Variants in SEMA3A observed in about 807,000 individuals in gnomAD.
SEMA3A encodes the protein semaphorin 3A.
In SEMA3A, 29 loss-of-function variants were observed where a neutral mutation model predicts 97.9. That is an observed-to-expected ratio of 0.30 (90% CI 0.22 to 0.40). The LOEUF (loss-of-function observed/expected upper bound fraction) is 0.40, where lower values mean the gene tolerates loss of function less well. Among genes scored for constraint, SEMA3A ranks in the 10% least tolerant of loss-of-function variants. SEMA3A has a pLI of 1.00. For missense variants in SEMA3A, 763 were observed against 951.3 expected (o/e 0.80, Z 2.60); for synonymous variants, 321 against 323.7 (o/e 0.99, Z 0.09).
chr7:84,444,263 A>G (rs904493277), intron 1 of SEMA3A, among the ~76,000 whole-genome samples: 1 of 152,256 alleles, frequency 6.6e-6, no homozygotes, highest in Admixed American at 6.5e-5. Context: ...GAAATCATAC[A>G]GGATCTTAAT....
intron 4 of SEMA3A, among the ~76,000 whole-genome samples, chr7:84,085,986 C>T (rs968177318): frequency 1.3e-5 from 2 of 152,106 alleles, no homozygotes; most frequent in Admixed American, 6.6e-5. Flanking sequence ...GTAAGAGTTT[C>T]GGCTTCCAAA....
At chr7:84,064,378 C>G (rs1352545978) in intron 4 of SEMA3A, among the ~76,000 whole-genome samples, 2 of 152,126 alleles carry the variant, frequency 1.3e-5, no homozygotes, top group African/African-American at 4.8e-5. Flanking sequence ...GCAAAATAAC[C>G]AGGTAACATC....
chr7:84,185,652 T>TGGG (rs1797856677), intron 1 of SEMA3A, among the ~76,000 whole-genome samples: 5 of 137,166 alleles, frequency 3.6e-5, no homozygotes, highest in Non-Finnish European at 7.6e-5. Context: ...GATCACGCCA[T>TGGG]TGCACTCCAG....
Position 84,240,766 on chromosome 7 carries a change from G to A in SEMA3A, c.-82-46098C>T, listed in dbSNP as rs183181848. Among the ~76,000 whole-genome samples the A allele has an allele frequency of 2.3e-4, 35 of 152,056 alleles. No individual in the cohort carries two copies. The East Asian group carries it at 4.3e-3, about 19-fold the overall frequency. On this transcript the variant is annotated intron_variant, in intron 3 of 3. Transcript: ENST00000424555. ...TGCTAGCCCCCTCTAGCCCACCACC[G>A]CCTGACAGGCCCCTGTGTGTGATGT...
intron 4 of SEMA3A, among the ~76,000 whole-genome samples, chr7:84,065,952 G>C (rs934814246): frequency 6.6e-5 from 10 of 151,504 alleles, no homozygotes; most frequent in African/African-American, 2.4e-4. Context: ...CCAAAGCCAG[G>C]CAGAGACACA....
At chr7:84,261,569 G>A (rs187499556) in intron 3 of SEMA3A, among the ~76,000 whole-genome samples, 128 of 152,302 alleles carry the variant, frequency 8.4e-4, no homozygotes, top group Non-Finnish European at 1.5e-3. Context: ...AGCAGAAGCC[G>A]TTTGAGGTGC....
intron 4 of SEMA3A, among the ~76,000 whole-genome samples, chr7:84,086,468 TATGTATTATTA>T (rs1404768394): frequency 7.0e-5 from 6 of 85,706 alleles, no homozygotes; most frequent in Non-Finnish European, 2.4e-5. Context: ...TCATATATAA[TATGTATTATTA>T]TATTATATTT....
chr7:84,310,474 T>C (rs1181960629), intron 2 of SEMA3A, among the ~76,000 whole-genome samples: 1 of 152,064 alleles, frequency 6.6e-6, no homozygotes, highest in Admixed American at 6.6e-5. Flanking sequence ...TTTTCACTTG[T>C]TCTAAAATGA....
intron 1 of SEMA3A, among the ~76,000 whole-genome samples, chr7:84,432,425 T>G (rs770708690): frequency 1.3e-5 from 2 of 152,182 alleles, no homozygotes; most frequent in African/African-American, 4.8e-5. Context: ...AGGGTACATG[T>G]GCATGTTTGG....
intron 1 of SEMA3A, among the ~76,000 whole-genome samples, chr7:84,457,387 G>C (rs1194039120): frequency 1.3e-5 from 2 of 151,820 alleles, no homozygotes; most frequent in Non-Finnish European, 3.0e-5. Flanking sequence ...GTTAGTATTA[G>C]GTAAGGGGCT....
At chr7:84,328,627 G>A (rs1157727712) in intron 2 of SEMA3A, among the ~76,000 whole-genome samples, 1 of 151,906 alleles carries the variant, frequency 6.6e-6, no homozygotes, top group Non-Finnish European at 1.5e-5. Context: ...GACAACCTAT[G>A]GTAAATTTAT....
At position 84,091,167 on chromosome 7, in the gene SEMA3A, GGAAAGAAAGAAAGAAAGAAA is replaced by G. The variant is rs1165324789; in HGVS notation, c.453+19283_453+19302del. ...AGGAAGGAAGGAAGGAAGGAAGGAA[GGAAAGAAAGAAAGAAAGAAA>G]GAAAGAAAGAAAGAAAGAAAGAAAG... On this transcript the variant is annotated intron_variant, in intron 4 of 16. Transcript: ENST00000265362. Among the ~76,000 whole-genome samples, 328 of 42,854 alleles carry G rather than the reference GGAAAGAAAGAAAGAAAGAAA, an allele frequency of 7.7e-3. 5 individuals are homozygous for G. The highest frequency in any genetic ancestry group is 0.023 in the African/African-American group (301 of 12,884). 28.1% of individuals were successfully genotyped at this position (42,854 alleles called of 152,430 possible). A position where few individuals can be genotyped will look rare whatever the true frequency, so the allele number is the denominator to read the frequency against.
chr7:84,063,506 A>G (rs1414856797), intron 4 of SEMA3A, among the ~76,000 whole-genome samples: 2 of 150,636 alleles, frequency 1.3e-5, no homozygotes, highest in Non-Finnish European at 3.0e-5. Flanking sequence ...AAGGCAAAGA[A>G]GTTGAAAACT....
chr7:84,310,765 T>C (rs1056473708), intron 2 of SEMA3A, among the ~76,000 whole-genome samples: 1 of 152,064 alleles, frequency 6.6e-6, no homozygotes, highest in African/African-American at 2.4e-5. Context: ...AGTGAAATTA[T>C]TGGAAAGATT....
At chr7:84,212,725 A>C (rs761752903) in intron 3 of SEMA3A, among the ~76,000 whole-genome samples, 17 of 152,170 alleles carry the variant, frequency 1.1e-4, no homozygotes, top group Non-Finnish European at 2.4e-4. Context: ...AAATGAAACA[A>C]TGTGGTGTGG....
chr7:84,214,499 C>A (rs528089582), intron 3 of SEMA3A, among the ~76,000 whole-genome samples: 31 of 152,156 alleles, frequency 2.0e-4, no homozygotes, highest in African/African-American at 7.2e-4. Flanking sequence ...GATGAGGAAA[C>A]ATATTATTCC....
chr7:84,028,729 C>T (rs1036233302), intron 6 of SEMA3A, among the ~76,000 whole-genome samples: 1 of 152,112 alleles, frequency 6.6e-6, no homozygotes, highest in Admixed American at 6.5e-5. Flanking sequence ...CTCAGCCTCC[C>T]GAGTAGCTGG....
chr7:84,260,678 C>T (rs1799829616), intron 3 of SEMA3A, among the ~76,000 whole-genome samples: 1 of 152,162 alleles, frequency 6.6e-6, no homozygotes, highest in Non-Finnish European at 1.5e-5. Flanking sequence ...CCCCTGCTGC[C>T]TTGGCTCCCT....
At chr7:84,335,371 T>C (rs957933086) in intron 2 of SEMA3A, among the ~76,000 whole-genome samples, 6 of 152,152 alleles carry the variant, frequency 3.9e-5, no homozygotes, top group Non-Finnish European at 7.4e-5. Flanking sequence ...GGTTATTCCC[T>C]GATAAAAAAT....
Sources: allele counts gnomAD v4.1 joint callset (sites outside exome capture counted in the v4.1 genomes callset), GRCh38; gene constraint gnomAD v4.1.1; transcripts MANE v1.5; gene names NCBI Gene and HGNC (gene_info 2026-07-23, HGNC 2026-07-21).